Variants in ARMC9 observed in about 807,000 individuals in gnomAD.
ARMC9 encodes armadillo repeat containing 9.
ARMC9 carries 94 observed loss-of-function variants against 107.0 expected under a neutral mutation model. The ratio of observed to expected loss-of-function variants is 0.88; its 90% confidence interval spans 0.74 to 1.04. The LOEUF is 1.04. ARMC9 is among the 50% of genes least tolerant of loss of function. ARMC9 has a pLI of 0.00. For missense variants in ARMC9, 942 were observed against 1,030.1 expected (o/e 0.91, Z 1.17); for synonymous variants, 380 against 396.9 (o/e 0.96, Z 0.51).
intron 19 of ARMC9, among the ~76,000 whole-genome samples, chr2:231,318,370 AT>A (rs1457725993): frequency 6.6e-6 from 1 of 152,042 alleles, no homozygotes; most frequent in African/African-American, 2.4e-5. Flanking sequence ...TGAGGAATAC[AT>A]TTGCAAGCAC....
At chr2:231,351,935 CAGT>C (rs1029072320) in intron 21 of ARMC9, among the ~76,000 whole-genome samples, 9 of 152,100 alleles carry the variant, frequency 5.9e-5, no homozygotes, top group Admixed American at 5.9e-4. Context: ...GACACAATGA[CAGT>C]ATGTATTGCA....
intron 12 of ARMC9, among the ~76,000 whole-genome samples, chr2:231,263,123 G>A (rs888558955): frequency 7.2e-5 from 11 of 152,156 alleles, no homozygotes; most frequent in South Asian, 4.1e-4. Context: ...AATTTGGCAC[G>A]TGTTAAGAGT....
At chr2:231,237,175 CGTGTGTGTGTGT>C (rs58607252) in intron 8 of ARMC9, among the ~76,000 whole-genome samples, 7 of 148,698 alleles carry the variant, frequency 4.7e-5, no homozygotes, top group East Asian at 2.0e-4. Flanking sequence ...TCTGCGTATG[CGTGTGTGTGTGT>C]GTGTGTGTGT....
intron 21 of ARMC9, among the ~76,000 whole-genome samples, chr2:231,351,784 T>C (rs775894438): frequency 9.2e-5 from 14 of 152,126 alleles, no homozygotes; most frequent in Admixed American, 2.0e-4. Context: ...TTTGGAGTTA[T>C]TATATGCTTG....
chr2:231,237,832 T>A (rs1329557961), intron 8 of ARMC9, among the ~76,000 whole-genome samples: 1 of 137,188 alleles, frequency 7.3e-6, no homozygotes, highest in African/African-American at 2.7e-5. Flanking sequence ...TCATCCATTT[T>A]CTTTCCTCAT....
intron 16 of ARMC9, among the ~76,000 whole-genome samples, chr2:231,278,876 T>C (rs1467721101): frequency 6.6e-6 from 1 of 152,272 alleles, no homozygotes; most frequent in African/African-American, 2.4e-5. Flanking sequence ...AGTCTCATTC[T>C]GTTTATGGCT....
chr2:231,338,573 T>C (rs2044287770), intron 20 of ARMC9, among the ~76,000 whole-genome samples: 1 of 140,430 alleles, frequency 7.1e-6, no homozygotes, highest in African/African-American at 2.8e-5. Flanking sequence ...AGTGTCTCGC[T>C]CTGTCACACA....
At chr2:231,334,789 T>A (rs1274091861) in intron 20 of ARMC9, among the ~76,000 whole-genome samples, 1 of 152,076 alleles carries the variant, frequency 6.6e-6, no homozygotes, top group Non-Finnish European at 1.5e-5. Context: ...GTGTGCCGGG[T>A]TGGGGATCTC....
At chr2:231,243,050 TC>T (rs2036442196) in intron 9 of ARMC9, among the ~76,000 whole-genome samples, 1 of 151,964 alleles carries the variant, frequency 6.6e-6, no homozygotes, top group South Asian at 2.1e-4. Flanking sequence ...ATCGAGACCA[TC>T]CTGGCTAACA....
At chr2:231,332,503 G>A (rs542019161) in intron 20 of ARMC9, among the ~76,000 whole-genome samples, 27 of 152,312 alleles carry the variant, frequency 1.8e-4, no homozygotes, top group Admixed American at 6.5e-4. Flanking sequence ...AAGCATCCAA[G>A]AGGCCTGTGG....
At chr2:231,256,802 T>C (rs1266003564) in intron 10 of ARMC9, among the ~76,000 whole-genome samples, 182 bp downstream of exon 10, 1 of 152,188 alleles carries the variant, frequency 6.6e-6, no homozygotes, top group Non-Finnish European at 1.5e-5. Flanking sequence ...CTAGAATTAT[T>C]TTTTATTGCC....
Position 231,235,378 on chromosome 2 carries a change from G to A in ARMC9, c.777G>A (p.Lys259=). ...CTCTAGAGGCCACAGTCAGCGGCAAGATGGTAAGGAAGATCCCTAATTGTG... is the reference window on the plus strand; with the variant it reads ...CTCTAGAGGCCACAGTCAGCGGCAAAATGGTAAGGAAGATCCCTAATTGTG... ...VDSLEATVSG[K]MITPEYLQSV... Residue 259 remains lysine (K), a synonymous_variant, in exon 8 of 25, where the codon AAG becomes AAA. Transcript: ENST00000611582. 6.2e-7 allele frequency: 1 copy of A among 1,614,114 alleles called. No homozygotes were observed. The highest frequency in any genetic ancestry group is 8.5e-7 in the Non-Finnish European group (1 of 1,180,000).
chr2:231,261,664 G>C (rs2038357143), intron 11 of ARMC9, among the ~76,000 whole-genome samples: 1 of 152,086 alleles, frequency 6.6e-6, no homozygotes, highest in African/African-American at 2.4e-5. Flanking sequence ...ATCCTGCAGG[G>C]ACCAGCTCCT....
chr2:231,346,351 C>G (rs1220821301), intron 21 of ARMC9, among the ~76,000 whole-genome samples: 2 of 151,900 alleles, frequency 1.3e-5, no homozygotes, highest in Non-Finnish European at 2.9e-5. Flanking sequence ...GAAACCCCAT[C>G]TCTACTAAAA....
At chr2:231,324,240 GC>G (rs1187722312) in intron 19 of ARMC9, among the ~76,000 whole-genome samples, 3 of 139,162 alleles carry the variant, frequency 2.2e-5, no homozygotes, top group Non-Finnish European at 4.5e-5. Flanking sequence ...CGATTCTTCT[GC>G]CTCAGCCTCC....
At chr2:231,359,628 TG>T (rs917218613) in intron 22 of ARMC9, among the ~76,000 whole-genome samples, 5 of 152,214 alleles carry the variant, frequency 3.3e-5, no homozygotes, top group Admixed American at 6.5e-5. Context: ...CACGTTGTAA[TG>T]GGGTTCCCCT....
chr2:231,201,514 G>A (rs1368615302), intron 1 of ARMC9, among the ~76,000 whole-genome samples: 13 of 152,146 alleles, frequency 8.5e-5, no homozygotes, highest in East Asian at 5.8e-4. Flanking sequence ...TCCCGTGGTC[G>A]GGAGCTTTTT....
At chr2:231,304,110 G>A (rs1395472030) in intron 19 of ARMC9, among the ~76,000 whole-genome samples, 1 of 150,552 alleles carries the variant, frequency 6.6e-6, no homozygotes, top group East Asian at 2.0e-4. Flanking sequence ...CACGCCTGTA[G>A]TCCCAGCTAC....
chr2:231,254,800 G>C (rs2037613909), intron 9 of ARMC9, among the ~76,000 whole-genome samples: 2 of 152,086 alleles, frequency 1.3e-5, no homozygotes, highest in South Asian at 4.1e-4. Context: ...CCATCACCCA[G>C]CTTCAGCAAT....
Sources: gnomAD v4.1 joint callset for allele counts (sites outside exome capture counted in the v4.1 genomes callset) on GRCh38, gnomAD v4.1.1 for gene constraint, MANE v1.5 for transcripts, NCBI Gene and HGNC (gene_info 2026-07-23, HGNC 2026-07-21) for gene names.